R3HDM2: variants seen among roughly 807,000 people sequenced by gnomAD.
R3HDM2 encodes the protein R3H domain containing 2, also known as R3H domain-containing protein 2.
A neutral mutation model predicts 124.5 loss-of-function variants in R3HDM2; 38 were observed. The observed-to-expected ratio is 0.31, with a 90% CI of 0.24 to 0.40. The LOEUF is 0.40. Ranked by LOEUF, R3HDM2 falls within the 10% of genes least tolerant of loss-of-function variation. R3HDM2 has a pLI of 1.00. For synonymous variants in R3HDM2, 391 were observed against 448.0 expected (o/e 0.87, Z 1.61); for missense variants, 869 against 1,236.9 (o/e 0.70, Z 4.46).
chr12:57,387,449 T>C (rs1303703583), intron 2 of R3HDM2, among the ~76,000 whole-genome samples: 5 of 152,212 alleles, frequency 3.3e-5, no homozygotes, highest in Admixed American at 1.3e-4. Flanking sequence ...CGTGGCTTCA[T>C]TCTTGAAGTC....
At chr12:57,255,678 G>A (rs1565808466) in intron 23 of R3HDM2, among the ~76,000 whole-genome samples, 1 of 152,110 alleles carries the variant, frequency 6.6e-6, no homozygotes, top group Non-Finnish European at 1.5e-5. Flanking sequence ...TCCTAAACTG[G>A]GTCTAGGACT....
chr12:57,308,944 G>C (rs1015756808), intron 3 of R3HDM2, among the ~76,000 whole-genome samples: 4 of 152,196 alleles, frequency 2.6e-5, no homozygotes, highest in Non-Finnish European at 5.9e-5. Context: ...GTGGCAGATT[G>C]TCTCCACAAG....
chr12:57,418,564 CTT>C (rs777162116), intron 1 of R3HDM2, among the ~76,000 whole-genome samples: 13 of 142,484 alleles, frequency 9.1e-5, no homozygotes, highest in African/African-American at 2.6e-5. Context: ...TTGATATCTT[CTT>C]TTTTTTTTTT....
At chr12:57,336,414 C>T (rs753574066) in intron 2 of R3HDM2, among the ~76,000 whole-genome samples, 8 of 152,058 alleles carry the variant, frequency 5.3e-5, no homozygotes, top group Non-Finnish European at 1.2e-4. Context: ...TTTAATCAAC[C>T]TAAATGCCCA....
chr12:57,374,930 A>C lies in R3HDM2; in HGVS notation c.-36+20819T>G, dbSNP rs188378799. The stretch of plus-strand genomic sequence containing the variant: ...AGAATGGCGTGAACCCGGGAGGCGG[A>C]GCTTGCAGTGAGCCGAGATCATGCC... On this transcript the variant is annotated intron_variant, in intron 2 of 23. Transcript: ENST00000402412. Among the ~76,000 whole-genome samples, 473 of 151,440 alleles carry C rather than the reference A, an allele frequency of 3.1e-3. 2 individuals carry two copies. Among genetic ancestry groups the C allele is most frequent in the Admixed American group, 3.8e-3 (57 of 15,194 alleles).
At chr12:57,277,622 A>G (rs2045155692) in intron 14 of R3HDM2, among the ~76,000 whole-genome samples, 1 of 152,064 alleles carries the variant, frequency 6.6e-6, no homozygotes, top group South Asian at 2.1e-4. Context: ...TAATTTCTGT[A>G]TTTTTAGTAG....
At position 57,296,248 on chromosome 12, in the gene R3HDM2, C is replaced by T. The variant is rs1310128261; in HGVS notation, c.701+163G>A. On this transcript the variant is annotated intron_variant, in intron 9 of 23. Transcript: ENST00000402412. The surrounding 1 kb of genome is among the most constrained non-coding windows in gnomAD (Gnocchi z 4.5). ...GACCAGGCTGGTCTCGAACTCCTGG[C>T]TTCAAGCAGTCTTCCCATCTTGGCC... 1.3e-5 allele frequency among the ~76,000 whole-genome samples: 2 copies of T among 151,484 alleles called. No homozygotes were observed. The highest frequency in any genetic ancestry group is 2.9e-5 in the Non-Finnish European group (2 of 67,894).
intron 2 of R3HDM2, among the ~76,000 whole-genome samples, chr12:57,375,225 A>G (rs1325673850): frequency 6.6e-6 from 1 of 152,164 alleles, no homozygotes; most frequent in African/African-American, 2.4e-5. Flanking sequence ...TAAGTCTGAG[A>G]TTAATTTCAG....
At chr12:57,350,343 T>C (rs1397254700) in intron 2 of R3HDM2, among the ~76,000 whole-genome samples, 1 of 152,132 alleles carries the variant, frequency 6.6e-6, no homozygotes, top group Non-Finnish European at 1.5e-5. Context: ...GAAGTTAAAC[T>C]ATTCTCTATT....
chr12:57,428,427 C>T lies in R3HDM2; in HGVS notation c.-106+2293G>A, dbSNP rs1037865906. Among the ~76,000 whole-genome samples the T allele has an allele frequency of 5.3e-5, 8 of 150,414 alleles. No homozygotes were observed. In the South Asian group the frequency reaches 6.3e-4, roughly 12 times the overall value. On this transcript the variant is annotated intron_variant, in intron 1 of 23. Coordinates refer to ENST00000402412, the MANE Select transcript of R3HDM2 (RefSeq NM_001394031.1). The stretch of plus-strand genomic sequence containing the variant: ...TGGGCAGATCACGAGGTCAGGAGAT[C>T]GAGACCATCCTGGCTAACACAGTGA...
chr12:57,419,144 CTTTTTT>C (rs923524630), intron 1 of R3HDM2, among the ~76,000 whole-genome samples: 1 of 139,284 alleles, frequency 7.2e-6, no homozygotes, highest in African/African-American at 2.6e-5. Flanking sequence ...TTCTCCTTTC[CTTTTTT>C]TTTTTTTTTT....
intron 4 of R3HDM2, among the ~76,000 whole-genome samples, chr12:57,301,988 A>G (rs2051284152): frequency 6.6e-6 from 1 of 152,226 alleles, no homozygotes; most frequent in Non-Finnish European, 1.5e-5. Flanking sequence ...TAAAAAGTAA[A>G]GCATTAGGTT....
At chr12:57,421,548 C>T (rs1249516408) in intron 1 of R3HDM2, among the ~76,000 whole-genome samples, 1 of 149,986 alleles carries the variant, frequency 6.7e-6, no homozygotes, top group Non-Finnish European at 1.5e-5. Flanking sequence ...CTCTATTGCT[C>T]AGGCTGGAGT....
intron 2 of R3HDM2, among the ~76,000 whole-genome samples, chr12:57,394,579 T>C (rs559041410): frequency 2.0e-4 from 30 of 152,288 alleles, no homozygotes; most frequent in African/African-American, 7.2e-4. Flanking sequence ...TCAACTACAC[T>C]TCAATAAAGG....
At chr12:57,360,690 G>C (rs1171760957) in intron 2 of R3HDM2, among the ~76,000 whole-genome samples, 1 of 151,150 alleles carries the variant, frequency 6.6e-6, no homozygotes, top group Non-Finnish European at 1.5e-5. Flanking sequence ...AAAGGCGAAA[G>C]GAAAAAGGAA....
chr12:57,269,687 T>A, intron 15 of R3HDM2, 65 bp downstream of exon 15: 5 of 1,601,076 alleles, frequency 3.1e-6, no homozygotes, highest in Non-Finnish European at 3.4e-6. Context: ...ACTGGAGGAA[T>A]AAAGAAAGTA....
intron 2 of R3HDM2, among the ~76,000 whole-genome samples, chr12:57,320,507 C>A (rs1383500251): frequency 6.6e-6 from 1 of 151,976 alleles, no homozygotes; most frequent in Non-Finnish European, 1.5e-5. Context: ...TATTTGTGTA[C>A]AGTGTACATT....
At chr12:57,429,277 G>C (rs1387734418) in intron 1 of R3HDM2, among the ~76,000 whole-genome samples, 1 of 152,020 alleles carries the variant, frequency 6.6e-6, no homozygotes, top group African/African-American at 2.4e-5. Context: ...AAGACAAATG[G>C]AACTTCAACT....
Position 57,268,292 on chromosome 12 carries a change from G to A in R3HDM2, c.2030+11C>T, listed in dbSNP as rs1592484062. On this transcript the variant is annotated intron_variant, in intron 18 of 23. Transcript: ENST00000402412. ...GGAGATGTCCTGTCCTGGCTCTCTG[G>A]GAGTCCTCACCTCGTACCGTTCTGC... 6.2e-7 allele frequency: 1 copy of A among 1,611,508 alleles called. No homozygotes were observed. Among genetic ancestry groups the A allele is most frequent in the Non-Finnish European group, 8.5e-7 (1 of 1,178,506 alleles).
Sources: allele counts gnomAD v4.1 joint callset (sites outside exome capture counted in the v4.1 genomes callset), GRCh38; gene constraint gnomAD v4.1.1; non-coding constraint Gnocchi (gnomAD v3.1); transcripts MANE v1.5; gene names NCBI Gene and HGNC (gene_info 2026-07-23, HGNC 2026-07-21).